Variants in PTDSS1 observed in about 807,000 individuals in gnomAD.
PTDSS1 encodes PSS-1.
Under a neutral mutation model 70.5 loss-of-function variants are expected in PTDSS1, and 45 were observed. That is an observed-to-expected ratio of 0.64 (90% CI 0.50 to 0.82). The LOEUF is 0.82. Ranked by LOEUF, PTDSS1 falls within the 40% of genes least tolerant of loss-of-function variation. The pLI is 0.00. For synonymous variants in PTDSS1, 188 were observed against 203.8 expected (o/e 0.92, Z 0.66); for missense variants, 417 against 586.1 (o/e 0.71, Z 2.98).
At position 96,295,079 on chromosome 8, in the gene PTDSS1, T is replaced by C. The variant is rs372139613; in HGVS notation, c.442-19T>C. ...ATTTCTAGAGTTTCACTAATTATTC[T>C]CTTTTTTATTTTAAATAGGAGTATG... On this transcript the variant is annotated intron_variant, in intron 4 of 12. Transcript: ENST00000517309. 1.6e-5 allele frequency: 26 copies of C among 1,585,772 alleles called. No homozygotes were observed. In the African/African-American group the frequency reaches 3.4e-4, roughly 21 times the overall value.
At chr8:96,285,869 T>TG (rs1017261028) in intron 3 of PTDSS1, among the ~76,000 whole-genome samples, 20 of 152,072 alleles carry the variant, frequency 1.3e-4, no homozygotes, top group Non-Finnish European at 2.2e-4. Context: ...AAAAGTGTAG[T>TG]GGGGGGCGTT....
In PTDSS1 at chr8:96,262,063, G is replaced by A. The variant is rs769720914; in HGVS notation, c.23G>A (p.Arg8Gln). MASCVGS[R>Q]TLSKDDVNYK... ...GCCATGGCGTCCTGCGTGGGGAGCC[G>A]GACCCTAAGCAAGGATGATGTGAAC... The change falls in exon 1 of 13, where the codon CGG becomes CAG. Residue 8 changes from arginine (R) to glutamine (Q), a missense_variant. Around this residue, in one of 3 missense-constraint regions of PTDSS1, gnomAD observed 38 missense variants for 34.3 expected, o/e 1.11. Transcript: ENST00000517309. The surrounding 1 kb of genome is among the most constrained non-coding windows in gnomAD (Gnocchi z 4.4). The A allele has an allele frequency of 2.5e-6, 4 of 1,613,318 alleles. No individual in the cohort carries two copies. Among genetic ancestry groups the A allele is most frequent in the Non-Finnish European group, 3.4e-6 (4 of 1,179,576 alleles).
At chr8:96,271,564 C>T (rs1196586030) in intron 1 of PTDSS1, among the ~76,000 whole-genome samples, 2 of 152,006 alleles carry the variant, frequency 1.3e-5, no homozygotes, top group African/African-American at 2.4e-5. Context: ...GATAAATACC[C>T]GAAAGTAAAA....
At chr8:96,330,410 A>G (rs1586213017) in intron 11 of PTDSS1, 129 bp downstream of exon 11, 1 of 846,182 alleles carries the variant, frequency 1.2e-6, no homozygotes, top group Non-Finnish European at 1.9e-6. Flanking sequence ...CAGTCCTGCC[A>G]CTGCAGAAAC....
At chr8:96,301,679 T>C (rs1047784927) in intron 6 of PTDSS1, among the ~76,000 whole-genome samples, 1 of 144,474 alleles carries the variant, frequency 6.9e-6, no homozygotes, top group African/African-American at 2.7e-5. Context: ...CCCGGCTAAC[T>C]TTTTTTTTTG....
rs777971153 is a variant in PTDSS1, at chr8:96,262,196, C to T, written c.156C>T (p.Ser52=). The T allele has an allele frequency of 6.2e-6, 10 of 1,613,760 alleles. No individual in the cohort carries two copies. In the South Asian group the frequency reaches 6.6e-5, roughly 11 times the overall value. Residue 52 remains serine (S), a synonymous_variant, in exon 1 of 13, where the codon AGC becomes AGT. Transcript: ENST00000517309. This position sits in a 1 kb window ranked among gnomAD's most constrained non-coding sequence, Gnocchi z 4.4. ...CCCTGCTCAGCTTCACCATCGTCAG[C>T]CTCATGTACTTCGCCTTTACCAGGT... ...TITLLSFTIV[S]LMYFAFTRDD...
chr8:96,320,555 A>T (rs1811359948), intron 10 of PTDSS1, among the ~76,000 whole-genome samples: 1 of 152,184 alleles, frequency 6.6e-6, no homozygotes, highest in Non-Finnish European at 1.5e-5. Context: ...ACCTCAGCAG[A>T]TTCCAGTCAA....
In PTDSS1 at chr8:96,301,317, A is replaced by G. The variant is rs143604133; in HGVS notation, c.752+1472A>G. On this transcript the variant is annotated intron_variant, in intron 6 of 12. Coordinates refer to ENST00000517309, the MANE Select transcript of PTDSS1 (RefSeq NM_014754.3). ...CACCATGTTGGCCAGGCTGGTCTCG[A>G]ACTCCTGACCTCAGGTGATCACCCG... Among the ~76,000 whole-genome samples the G allele has an allele frequency of 5.2e-3, 798 of 152,030 alleles. 3 individuals are homozygous for G. The highest frequency in any genetic ancestry group is 8.1e-3 in the Non-Finnish European group (549 of 67,966).
At position 96,320,049 on chromosome 8, in the gene PTDSS1, G is replaced by T. The variant is rs575751489; in HGVS notation, c.1074-197G>T. Among the ~76,000 whole-genome samples, 18 of 152,270 alleles carry T rather than the reference G, an allele frequency of 1.2e-4. No homozygotes were observed. In the South Asian group the frequency reaches 3.5e-3, roughly 30 times the overall value. ...ATTTCGGTCTGGGAAGAAGGAAGAGGTGAAAAATACTTTATTATTTCCGAA... is the reference window on the plus strand; with the variant it reads ...ATTTCGGTCTGGGAAGAAGGAAGAGTTGAAAAATACTTTATTATTTCCGAA... On this transcript the variant is annotated intron_variant, in intron 9 of 12. Coordinates refer to ENST00000517309, the MANE Select transcript of PTDSS1 (RefSeq NM_014754.3).
chr8:96,311,011 C>T (rs1245304234), intron 9 of PTDSS1, among the ~76,000 whole-genome samples: 1 of 152,186 alleles, frequency 6.6e-6, no homozygotes, highest in Non-Finnish European at 1.5e-5. Flanking sequence ...GTGATCCACC[C>T]ACCTTCTGCC....
At chr8:96,281,136 G>C (rs1274993278) in intron 2 of PTDSS1, among the ~76,000 whole-genome samples, 1 of 152,158 alleles carries the variant, frequency 6.6e-6, no homozygotes, top group Non-Finnish European at 1.5e-5. Context: ...GTGAGCGTAA[G>C]TATCAGGACT....
At chr8:96,332,313 A>G (rs1811528938) in intron 12 of PTDSS1, among the ~76,000 whole-genome samples, 1 of 152,236 alleles carries the variant, frequency 6.6e-6, no homozygotes, top group African/African-American at 2.4e-5. Flanking sequence ...CTGAAGAAAG[A>G]AAATTAGAAA....
chr8:96,279,127 C>T (rs965519773), intron 2 of PTDSS1, among the ~76,000 whole-genome samples: 5 of 151,514 alleles, frequency 3.3e-5, no homozygotes, highest in African/African-American at 7.3e-5. Flanking sequence ...CATGCCACCA[C>T]GCCCAGCTAA....
At chr8:96,323,091 G>A (rs888540933) in intron 10 of PTDSS1, among the ~76,000 whole-genome samples, 1 of 152,252 alleles carries the variant, frequency 6.6e-6, no homozygotes, top group African/African-American at 2.4e-5. Context: ...TCTTAAAGCT[G>A]GAGAATAATC....
intron 2 of PTDSS1, chr8:96,283,491 G>A (rs972179129): frequency 6.6e-6 from 1 of 152,182 alleles, no homozygotes; most frequent in African/African-American, 2.4e-5. Flanking sequence ...TTTCAGTTGT[G>A]TGGAATCTGC....
chr8:96,276,978 GCGCACACACACACACACACA>G (rs1810656257), intron 2 of PTDSS1, among the ~76,000 whole-genome samples: 1 of 129,634 alleles, frequency 7.7e-6, no homozygotes, highest in Non-Finnish European at 1.7e-5. Context: ...GCGCACGCGC[GCGCACACACACACACACACA>G]CACACACACA....
chr8:96,310,508 A>G (rs1268034943), intron 9 of PTDSS1, among the ~76,000 whole-genome samples: 1 of 150,400 alleles, frequency 6.6e-6, no homozygotes, highest in Non-Finnish European at 1.5e-5. Flanking sequence ...ATCAGATGGT[A>G]TTTCCCACAA....
chr8:96,314,008 G>C (rs1050319888), intron 9 of PTDSS1, among the ~76,000 whole-genome samples: 1 of 151,654 alleles, frequency 6.6e-6, no homozygotes, highest in Non-Finnish European at 1.5e-5. Flanking sequence ...TTGTTCTTTT[G>C]TTCTTCCAGG....
intron 9 of PTDSS1, 59 bp from the exon 10 acceptor site, chr8:96,320,187 T>C: frequency 7.1e-7 from 1 of 1,410,748 alleles, no homozygotes. Context: ...ATATTTTGGA[T>C]AAAGTGTATG....
Sources: gnomAD v4.1 joint callset for allele counts (sites outside exome capture counted in the v4.1 genomes callset) on GRCh38, gnomAD v4.1.1 for gene constraint, gnomAD v4.1.1 regional missense constraint, Gnocchi (gnomAD v3.1) non-coding constraint, MANE v1.5 for transcripts, NCBI Gene and HGNC (gene_info 2026-07-23, HGNC 2026-07-21) for gene names.